The following WWC2 variants were observed in gnomAD, a reference collection of about 807,000 sequenced individuals.
The protein encoded by WWC2 is protein WWC2.
In WWC2, 101 loss-of-function variants were observed where a neutral mutation model predicts 138.5. That is an observed-to-expected ratio of 0.73 (90% CI 0.62 to 0.86). WWC2 has a LOEUF of 0.86. Ranked by LOEUF, WWC2 falls within the 40% of genes least tolerant of loss-of-function variation. WWC2 has a pLI of 0.00. For synonymous variants in WWC2, 558 were observed against 538.4 expected, an observed-to-expected ratio of 1.04 and a Z score of -0.50; for missense variants, 1,420 against 1,419.4, an observed-to-expected ratio of 1.00 and a Z score of -0.01.
At chr4:183,112,031 T>C (rs930946837) in intron 1 of WWC2, among the ~76,000 whole-genome samples, 4 of 152,086 alleles carry the variant, frequency 2.6e-5, no homozygotes, top group Admixed American at 6.5e-5. Context: ...TTGTCTCCCT[T>C]CCCCTTTTCT....
In WWC2 at chr4:183,261,318, A is replaced by G; in HGVS notation, c.1695A>G (p.Glu565=). The G allele has an allele frequency of 6.2e-7, 1 of 1,613,518 alleles. No individual in the cohort carries two copies. The highest frequency in any genetic ancestry group is 1.1e-5 in the South Asian group (1 of 90,906). ...LSPPGSPLVL[E]GTFPMSSSHD... ...CTCCAGGCTCTCCCTTGGTTTTGGA[A>G]GGCACGTTTCCCATGTCTTCTTCTC... is the stretch of plus-strand genomic sequence containing the variant. The change falls in exon 11 of 23, where the codon GAA becomes GAG. Residue 565 remains glutamate (E), a synonymous_variant. Coordinates refer to ENST00000403733, the MANE Select transcript of WWC2 (RefSeq NM_024949.6).
At chr4:183,225,286 A>T (rs1448991394) in intron 4 of WWC2, among the ~76,000 whole-genome samples, 2 of 152,228 alleles carry the variant, frequency 1.3e-5, no homozygotes, top group Non-Finnish European at 2.9e-5. Context: ...AGGAAGATCA[A>T]TGGAACTGAA....
At chr4:183,121,037 C>T (rs13152180) in intron 1 of WWC2, among the ~76,000 whole-genome samples, 7 of 152,180 alleles carry the variant, frequency 4.6e-5, no homozygotes, top group South Asian at 2.1e-4. Context: ...GACAACATGG[C>T]GAGACCTTGT....
chr4:183,247,654 A>ATACTATATG (rs1414785704), intron 6 of WWC2, among the ~76,000 whole-genome samples: 1 of 140,898 alleles, frequency 7.1e-6, no homozygotes, highest in East Asian at 2.0e-4. Flanking sequence ...TATACTATAT[A>ATACTATATG]CTATATATAC....
rs3040784 is a variant in WWC2 at position 183,226,074 on chromosome 4, ACTTTT to A, written c.523-14088_523-14084del. 8.2e-3 allele frequency among the ~76,000 whole-genome samples: 1,220 copies of A among 148,482 alleles called. 4 individuals carry two copies. The highest frequency in any genetic ancestry group is 0.014 in the Non-Finnish European group (940 of 67,598). The stretch of plus-strand genomic sequence containing the variant: ...GAAAAATGCAGAACTCGTCTGTGAA[ACTTTT>A]CTTTTCTTTTCTTTTCTTTTTTTTT... On this transcript the variant is annotated intron_variant, in intron 4 of 22. Coordinates refer to ENST00000403733, the MANE Select transcript of WWC2 (RefSeq NM_024949.6).
chr4:183,268,364 A>G (rs1244824426), intron 14 of WWC2, among the ~76,000 whole-genome samples: 9 of 152,358 alleles, frequency 5.9e-5, no homozygotes, highest in East Asian at 5.8e-4. Flanking sequence ...TCTGAATTTT[A>G]CAAAGCACGG....
At position 183,190,110 on chromosome 4, in the gene WWC2, A is replaced by G. The variant is rs1220569376; in HGVS notation, c.132-3489A>G. Among the ~76,000 whole-genome samples the G allele has an allele frequency of 1.3e-5, 2 of 152,230 alleles. 1 individual carries two copies. Among genetic ancestry groups the G allele is most frequent in the Non-Finnish European group, 2.9e-5 (2 of 68,042 alleles). On this transcript the variant is annotated intron_variant, in intron 1 of 22. Transcript: ENST00000403733. Reference sequence around the variant, plus strand: ...CAAAGGAAGACCTTTTTAAGCAAAGAGTAATCTCTGGAATTCAGCATTAAG... The same window carrying G: ...CAAAGGAAGACCTTTTTAAGCAAAGGGTAATCTCTGGAATTCAGCATTAAG...
At position 183,312,419 on chromosome 4, in the gene WWC2, C is replaced by T. The variant is rs376679892; in HGVS notation, c.3463C>T (p.Arg1155Trp). Residue 1155 changes from arginine (R) to tryptophan (W), a missense_variant, in exon 22 of 23, where the codon CGG becomes TGG. Coordinates refer to ENST00000403733, the MANE Select transcript of WWC2 (RefSeq NM_024949.6). ...GAGGCAAGTCTCCAAGGACGTGTGT[C>T]GGCTCCGGGAGCAGAGCCAGAAGGT... ...LMRQVSKDVC[R>W]LREQSQKVPR... 24 of 1,613,628 alleles carry T rather than the reference C, an allele frequency of 1.5e-5. No individual in the cohort carries two copies. The highest frequency in any genetic ancestry group is 1.2e-4 in the African/African-American group (9 of 74,904).
intron 4 of WWC2, among the ~76,000 whole-genome samples, chr4:183,209,665 C>G (rs1735544150): frequency 6.6e-6 from 1 of 152,094 alleles, no homozygotes; most frequent in Non-Finnish European, 1.5e-5. Flanking sequence ...TCAGACAACC[C>G]AATATTTCAA....
At chr4:183,213,240 A>G (rs540274578) in intron 4 of WWC2, among the ~76,000 whole-genome samples, 52 of 152,348 alleles carry the variant, frequency 3.4e-4, no homozygotes, top group Admixed American at 6.5e-4. Flanking sequence ...ACCAGGTAGC[A>G]CTTTAGGAAT....
chr4:183,309,220 GA>G (rs1440815818), intron 21 of WWC2, among the ~76,000 whole-genome samples: 1 of 152,134 alleles, frequency 6.6e-6, no homozygotes, highest in Non-Finnish European at 1.5e-5. Flanking sequence ...CATGATCCAT[GA>G]AAGAAATACC....
At chr4:183,220,773 G>A (rs1735909226) in intron 4 of WWC2, among the ~76,000 whole-genome samples, 1 of 151,604 alleles carries the variant, frequency 6.6e-6, no homozygotes, top group African/African-American at 2.4e-5. Context: ...GGCGGAGCTT[G>A]CAGTGAGCCA....
intron 1 of WWC2, among the ~76,000 whole-genome samples, chr4:183,184,208 T>A (rs780874814): frequency 1.3e-5 from 2 of 152,246 alleles, no homozygotes; most frequent in Non-Finnish European, 2.9e-5. Flanking sequence ...ACTAGCTATT[T>A]CATATAGTGG....
At chr4:183,107,707 CCTAT>C (rs1732079943) in intron 1 of WWC2, among the ~76,000 whole-genome samples, 1 of 152,000 alleles carries the variant, frequency 6.6e-6, no homozygotes, top group Non-Finnish European at 1.5e-5. Flanking sequence ...CCCTTTTCTC[CCTAT>C]CTGATTGCTT....
At chr4:183,166,502 T>G (rs1023119940) in intron 1 of WWC2, among the ~76,000 whole-genome samples, 9 of 152,132 alleles carry the variant, frequency 5.9e-5, no homozygotes, top group African/African-American at 1.7e-4. Flanking sequence ...TCACAGGATA[T>G]TTTTTGCCTA....
intron 1 of WWC2, among the ~76,000 whole-genome samples, chr4:183,192,745 T>C (rs1735024498): frequency 6.6e-6 from 1 of 151,956 alleles, no homozygotes; most frequent in Non-Finnish European, 1.5e-5. Flanking sequence ...AATTAGAAAA[T>C]GTGTTGACTG....
intron 1 of WWC2, among the ~76,000 whole-genome samples, chr4:183,149,784 C>T (rs548418491): frequency 2.0e-5 from 3 of 149,656 alleles, no homozygotes; most frequent in South Asian, 2.1e-4. Context: ...ATGAACATTT[C>T]GAAAGCACAC....
chr4:183,175,774 C>T (rs926989308), intron 1 of WWC2, among the ~76,000 whole-genome samples: 1 of 152,142 alleles, frequency 6.6e-6, no homozygotes, highest in South Asian at 2.1e-4. Flanking sequence ...AGGAGATGTT[C>T]GTGAAAGCAC....
chr4:183,303,495 C>G (rs1254906146), intron 21 of WWC2, among the ~76,000 whole-genome samples: 1 of 152,144 alleles, frequency 6.6e-6, no homozygotes, highest in Non-Finnish European at 1.5e-5. Context: ...AAATGGGGAA[C>G]AGAGTCATCG....
Sources: allele counts gnomAD v4.1 joint callset (sites outside exome capture counted in the v4.1 genomes callset), GRCh38; gene constraint gnomAD v4.1.1; transcripts MANE v1.5; gene names NCBI Gene and HGNC (gene_info 2026-07-23, HGNC 2026-07-21).